The following SMYD1 variants were observed in gnomAD, a reference collection of about 807,000 sequenced individuals.
The protein encoded by SMYD1 is histone-lysine N-methyltransferase SMYD1.
In SMYD1, 49 loss-of-function variants were observed where a neutral mutation model predicts 54.0. That is an observed-to-expected ratio of 0.91 (90% confidence interval 0.72 to 1.15). The LOEUF (loss-of-function observed/expected upper bound fraction) is 1.15, where lower values mean the gene tolerates loss of function less well. Among genes scored for constraint, SMYD1 ranks in the 50% most tolerant of loss-of-function variants. The probability of loss-of-function intolerance (pLI) is 0.00; values close to 1 mark genes in which losing one functional copy is unlikely to be tolerated. For missense variants in SMYD1, 653 were observed against 639.6 expected, an observed-to-expected ratio of 1.02 and a Z score of -0.23; for synonymous variants, 269 against 234.2, an observed-to-expected ratio of 1.15 and a Z score of -1.36.
Position 88,084,380 on chromosome 2 carries a change from T to C in SMYD1, c.202T>C (p.Cys68Arg). ...GGAGAAGCTCCATCGCTGTGGGCAG[T>C]GCAAGTTTGCCCATTACTGCGACCG... ...RQEKLHRCGQ[C>R]KFAHYCDRTC... The change falls in exon 2 of 10, where the codon TGC becomes CGC. Residue 68 changes from cysteine to arginine, a missense_variant. Coordinates refer to ENST00000419482, the MANE Select transcript of SMYD1 (RefSeq NM_198274.4). 6.2e-7 allele frequency: 1 copy of C among 1,606,814 alleles called. No homozygotes were observed. Among genetic ancestry groups the C allele is most frequent in the Non-Finnish European group, 8.5e-7 (1 of 1,173,950 alleles).
rs1675070280 is a variant in SMYD1 at position 88,113,232 on chromosome 2, G to T, written c.*2720G>T. On this transcript the variant is annotated 3_prime_UTR_variant, in exon 10 of 10. Coordinates refer to ENST00000419482, the MANE Select transcript of SMYD1 (RefSeq NM_198274.4). ...GCACAGATCCTGGAATGTGGTAGGT[G>T]CTCAGTAAATGTGTGTTGAATAAAT... 1 of 152,168 alleles carries T rather than the reference G, an allele frequency of 6.6e-6. No individual in the cohort carries two copies. Among genetic ancestry groups the T allele is most frequent in the East Asian group, 1.9e-4 (1 of 5,202 alleles). The allele number at this position is 152,168 out of a possible 1,614,324, so 9.4% of individuals were successfully genotyped here.
chr2:88,108,377 C>A lies in SMYD1; in HGVS notation c.1152C>A (p.Leu384=), dbSNP rs776826023. 6.3e-7 allele frequency: 1 copy of A among 1,588,610 alleles called. No individual in the cohort carries two copies. The highest frequency in any genetic ancestry group is 8.6e-7 in the Non-Finnish European group (1 of 1,169,506). The change falls in exon 9 of 10, where the codon CTC becomes CTA. Residue 384 remains leucine, a synonymous_variant. Coordinates refer to ENST00000419482, the MANE Select transcript of SMYD1 (RefSeq NM_198274.4). Reference sequence around the variant, plus strand: ...ATCTGCTATGCTCCCACAGGAAGCTCTACCACCCCAACAATGCCCAACTGG... The same window carrying A: ...ATCTGCTATGCTCCCACAGGAAGCTATACCACCCCAACAATGCCCAACTGG... ...ARRMVDGYMK[L]YHPNNAQLGM... is the part of the protein sequence containing the mutation.
Position 88,082,745 on chromosome 2 carries a change from T to A in SMYD1, c.138-1571T>A, listed in dbSNP as rs377411807. 64 of 154,484 alleles carry A rather than the reference T, an allele frequency of 4.1e-4. 3 individuals carry two copies. The highest frequency in any genetic ancestry group is 1.4e-3 in the African/African-American group (58 of 41,636). 9.6% of individuals were successfully genotyped at this position (154,484 alleles called of 1,614,324 possible). A position where few individuals can be genotyped will look rare whatever the true frequency, so the allele number is the denominator to read the frequency against. Reference sequence around the variant, plus strand: ...TTTAAAGATCTGGGAGTATTTAACTTGGAGGAGAGAAATGAATGGGAAGCA... The same window carrying A: ...TTTAAAGATCTGGGAGTATTTAACTAGGAGGAGAGAAATGAATGGGAAGCA... On this transcript the variant is annotated intron_variant, in intron 1 of 9. Coordinates refer to ENST00000419482, the MANE Select transcript of SMYD1 (RefSeq NM_198274.4).
At chr2:88,101,740 G>A (rs915615046) in intron 6 of SMYD1, among the ~76,000 whole-genome samples, 14 of 152,182 alleles carry the variant, frequency 9.2e-5, no homozygotes, top group African/African-American at 3.4e-4. Context: ...CTAGTAGCTA[G>A]GACTACAGAC....
intron 1 of SMYD1, among the ~76,000 whole-genome samples, chr2:88,076,798 A>G (rs1183784939): frequency 6.6e-6 from 1 of 152,110 alleles, no homozygotes; most frequent in African/African-American, 2.4e-5. Context: ...CTTGAGCTCA[A>G]GAGTTTGAGA....
intron 7 of SMYD1, among the ~76,000 whole-genome samples, chr2:88,104,105 T>C (rs1246300496): frequency 1.3e-5 from 2 of 152,066 alleles, no homozygotes; most frequent in African/African-American, 4.8e-5. Flanking sequence ...TAGCTGGGAC[T>C]ACAGGTGCCC....
chr2:88,110,594 T>C lies in SMYD1; in HGVS notation c.*82T>C. 7.1e-7 allele frequency: 1 copy of C among 1,407,612 alleles called. No individual in the cohort carries two copies. The highest frequency in any genetic ancestry group is 9.4e-7 in the Non-Finnish European group (1 of 1,066,708). 87.2% of individuals were successfully genotyped at this position (1,407,612 alleles called of 1,614,324 possible). A position where few individuals can be genotyped will look rare whatever the true frequency, so the allele number is the denominator to read the frequency against. ...GGTGGTGGGTCTCTCGGGAGACCCC[T>C]AATGAGGAAGTTGAGGTAATGCTTA... On this transcript the variant is annotated 3_prime_UTR_variant, in exon 10 of 10. Transcript: ENST00000419482.
chr2:88,108,576 C>A (rs1294762688), intron 9 of SMYD1, 37 bp downstream of exon 9: 1 of 1,523,362 alleles, frequency 6.6e-7, no homozygotes, highest in Non-Finnish European at 8.8e-7. Context: ...CCCTTCCTGG[C>A]CTGAGCTTTC....
chr2:88,097,822 CAT>C lies in SMYD1; in HGVS notation c.888+1039_888+1040del, dbSNP rs1553456132. Reference sequence around the variant, plus strand: ...TAAAAGGCACACACACACACACACACATGCACACCCATGTGCATGCAAGCATA... The same window carrying C: ...TAAAAGGCACACACACACACACACACGCACACCCATGTGCATGCAAGCATA... On this transcript the variant is annotated intron_variant, in intron 6 of 9. Transcript: ENST00000419482. 8.3e-3 allele frequency among the ~76,000 whole-genome samples: 1,254 copies of C among 151,668 alleles called. 18 individuals are homozygous for C. Among genetic ancestry groups the C allele is most frequent in the African/African-American group, 0.029 (1,205 of 41,418 alleles).
rs1368477398 is a variant in SMYD1 at position 88,088,071 on chromosome 2, G to T, written c.524G>T (p.Gly175Val). The change falls in exon 3 of 10, where the codon GGA (glycine) becomes GTA (valine). Residue 175 changes from glycine to valine, a missense_variant. Gly to Val is a moderately radical substitution (Grantham distance 109, BLOSUM62 -3). Transcript: ENST00000419482. ...FSMQYISHIF[G>V]VINCNGFTLS... ...ATGCAGTACATCTCGCACATCTTCG[G>T]AGTGGTAGGCCCCCTGCGTCCCTTC... The T allele has an allele frequency of 6.2e-7, 1 of 1,612,602 alleles. No homozygotes were observed. The highest frequency in any genetic ancestry group is 8.5e-7 in the Non-Finnish European group (1 of 1,179,208).
chr2:88,093,638 G>A lies in SMYD1; in HGVS notation c.698+83G>A. 2.0e-6 allele frequency: 3 copies of A among 1,491,914 alleles called. No homozygotes were observed. In the Admixed American group the frequency reaches 5.0e-5, roughly 25 times the overall value. The allele number at this position is 1,491,914 out of a possible 1,614,324, so 92.4% of individuals were successfully genotyped here. A position where few individuals can be genotyped will look rare whatever the true frequency, so the allele number is the denominator to read the frequency against. On this transcript the variant is annotated intron_variant, in intron 5 of 9. Transcript: ENST00000419482. ...GTTTGCTGGGGCCACCCATTCCCGA[G>A]ACTTCTTGGCTGCCATCTGTCCATA...
chr2:88,079,283 T>C (rs79682928), intron 1 of SMYD1, among the ~76,000 whole-genome samples: 50 of 152,336 alleles, frequency 3.3e-4, no homozygotes, highest in Admixed American at 6.5e-4. Flanking sequence ...GTCATGCCAC[T>C]GGAATTTATT....
In SMYD1 at chr2:88,112,008, C is replaced by T; in HGVS notation, c.*1496C>T. On this transcript the variant is annotated 3_prime_UTR_variant, in exon 10 of 10. Transcript: ENST00000419482. ...ACCTGCTGTGTCCCTCTGAGCACTACCCAGTGGCTGAAAACTCTGCAAATG... is the reference window on the plus strand; with the variant it reads ...ACCTGCTGTGTCCCTCTGAGCACTATCCAGTGGCTGAAAACTCTGCAAATG... The T allele has an allele frequency of 1.4e-6, 1 of 700,958 alleles. No individual in the cohort carries two copies. Among genetic ancestry groups the T allele is most frequent in the Non-Finnish European group, 2.6e-6 (1 of 384,184 alleles). The allele number at this position is 700,958 out of a possible 1,614,324, so 43.4% of individuals were successfully genotyped here. A position where few individuals can be genotyped will look rare whatever the true frequency, so the allele number is the denominator to read the frequency against.
chr2:88,096,725 G>A lies in SMYD1; in HGVS notation c.829G>A (p.Glu277Lys). 3 of 1,614,202 alleles carry A rather than the reference G, an allele frequency of 1.9e-6. No homozygotes were observed. The highest frequency in any genetic ancestry group is 2.5e-6 in the Non-Finnish European group (3 of 1,180,036). Reference sequence around the variant, plus strand: ...GCAGTACTACTTTGACTGCACATGTGAACACTGCCAGAAAAAACTGAAGGA... The same window carrying A: ...GCAGTACTACTTTGACTGCACATGTAAACACTGCCAGAAAAAACTGAAGGA... The part of the protein sequence containing the change: ...KKQYYFDCTC[E>K]HCQKKLKDDL... Residue 277 changes from glutamate (E) to lysine (K), a missense_variant, in exon 6 of 10, where the codon GAA (glutamate) becomes AAA (lysine). Coordinates refer to ENST00000419482, the MANE Select transcript of SMYD1 (RefSeq NM_198274.4).
chr2:88,102,759 A>G (rs892527643), intron 6 of SMYD1, among the ~76,000 whole-genome samples: 2 of 152,230 alleles, frequency 1.3e-5, no homozygotes, highest in African/African-American at 4.8e-5. Context: ...AGAAAACACA[A>G]TAGGGATCAA....
At chr2:88,096,806 A>G (rs1319500272) in intron 6 of SMYD1, 22 bp downstream of exon 6, 3 of 1,603,398 alleles carry the variant, frequency 1.9e-6, no homozygotes, top group Non-Finnish European at 2.6e-6. Flanking sequence ...CCTGCTGCTG[A>G]GGTGTTTGTG....
chr2:88,088,644 T>C (rs1175253328), intron 3 of SMYD1, among the ~76,000 whole-genome samples: 3 of 152,198 alleles, frequency 2.0e-5, no homozygotes, highest in Non-Finnish European at 4.4e-5. Context: ...TCCTCTTACT[T>C]ATCTGCACTT....
At chr2:88,098,616 A>T (rs541032161) in intron 6 of SMYD1, among the ~76,000 whole-genome samples, 5 of 152,356 alleles carry the variant, frequency 3.3e-5, no homozygotes, top group African/African-American at 1.2e-4. Flanking sequence ...CAGGCATTAA[A>T]AAAAGGCCAT....
Position 88,111,684 on chromosome 2 carries a change from C to T in SMYD1, c.*1172C>T. On this transcript the variant is annotated 3_prime_UTR_variant, in exon 10 of 10. Transcript: ENST00000419482. Reference sequence around the variant, plus strand: ...TGTTCAGAGGTGTGGCCAATTTATCCCGATCTCCTGGAAGGCTGTTGTGAT... The same window carrying T: ...TGTTCAGAGGTGTGGCCAATTTATCTCGATCTCCTGGAAGGCTGTTGTGAT... 1 of 186,788 alleles carries T rather than the reference C, an allele frequency of 5.4e-6. No individual in the cohort carries two copies. The highest frequency in any genetic ancestry group is 1.3e-4 in the East Asian group (1 of 7,818). 11.6% of individuals were successfully genotyped at this position (186,788 alleles called of 1,614,324 possible).
Sources: gnomAD v4.1 joint callset for allele counts (sites outside exome capture counted in the v4.1 genomes callset) on GRCh38, gnomAD v4.1.1 for gene constraint, MANE v1.5 for transcripts, NCBI Gene and HGNC (gene_info 2026-07-23, HGNC 2026-07-21) for gene names.